RPUSD4: variants seen among roughly 807,000 people sequenced by gnomAD.
RPUSD4 encodes RNA pseudouridine synthase D4.
RPUSD4 carries 37 observed loss-of-function variants against 35.4 expected under a neutral mutation model. The ratio of observed to expected loss-of-function variants is 1.04; its 90% CI spans 0.80 to 1.37. The LOEUF is 1.37. Ranked by LOEUF, RPUSD4 falls within the 40% of genes most tolerant of loss-of-function variation. RPUSD4 has a pLI of 0.00. For missense variants in RPUSD4, 507 were observed against 484.9 expected (o/e 1.05, Z -0.43); for synonymous variants, 210 against 192.7 (o/e 1.09, Z -0.74).
chr11:126,207,479 C>T (rs1372720401), intron 3 of RPUSD4, among the ~76,000 whole-genome samples: 1 of 152,182 alleles, frequency 6.6e-6, no homozygotes, highest in African/African-American at 2.4e-5. Context: ...AAAGTATCTG[C>T]AAAATCTGTA....
rs779042397 is a variant in RPUSD4, at chr11:126,209,756, AG to A, written c.356-35del. The A allele has an allele frequency of 5.1e-6, 8 of 1,580,476 alleles. No individual in the cohort carries two copies. In the South Asian group the frequency reaches 8.9e-5, roughly 18 times the overall value. On this transcript the variant is annotated intron_variant, in intron 2 of 6. Coordinates refer to ENST00000298317, the MANE Select transcript of RPUSD4 (RefSeq NM_032795.3). ...GAAAAAGCCAAAGGTTTGAGCGGCC[AG>A]GAAAAGATCTCGCCAAAGAACTCTC...
rs775364310 is a variant in RPUSD4 at position 126,210,903 on chromosome 11, A to AC, written c.341dup (p.Leu115SerfsTer15). ...CGTGGTCCTTACCATGCACAGGGAG[A>AC]CCGTAGGGCTTATTGATGACCACAA... On this transcript the variant is annotated frameshift_variant, in exon 2 of 7. Coordinates refer to ENST00000298317, the MANE Select transcript of RPUSD4 (RefSeq NM_032795.3). LOFTEE classifies it high-confidence loss of function. 1.2e-6 allele frequency: 2 copies of AC among 1,613,678 alleles called. No homozygotes were observed. Among genetic ancestry groups the AC allele is most frequent in the Non-Finnish European group, 1.7e-6 (2 of 1,179,838 alleles).
intron 5 of RPUSD4, among the ~76,000 whole-genome samples, chr11:126,205,007 TA>T (rs1474405724): frequency 1.3e-5 from 2 of 152,244 alleles, no homozygotes; most frequent in Non-Finnish European, 2.9e-5. Flanking sequence ...GGTGCATCCA[TA>T]TTGTAGCATG....
Position 126,205,469 on chromosome 11 carries a change from A to C in RPUSD4, c.795T>G (p.Thr265=), listed in dbSNP as rs754893629. The C allele has an allele frequency of 1.2e-5, 19 of 1,614,116 alleles. No homozygotes were observed. Among genetic ancestry groups the C allele is most frequent in the Non-Finnish European group, 1.5e-5 (18 of 1,180,040 alleles). Residue 265 remains threonine, a splice_region_variant and synonymous_variant, in exon 5 of 7, where the codon ACT becomes ACG. Coordinates refer to ENST00000298317, the MANE Select transcript of RPUSD4 (RefSeq NM_032795.3). ...SSALVELQPI[T]GIKHQLRVHL... is the part of the protein sequence containing the mutation. ...ACTGCGGAAAAGTGACACTCTCACC[A>C]GTGATGGGCTGGAGCTCCACGAGGG...
At position 126,211,059 on chromosome 11, in the gene RPUSD4, G is replaced by A. The variant is rs779158719; in HGVS notation, c.190-4C>T. On this transcript the variant is annotated splice_polypyrimidine_tract_variant and splice_region_variant and intron_variant, in intron 1 of 6. Coordinates refer to ENST00000298317, the MANE Select transcript of RPUSD4 (RefSeq NM_032795.3). ...GCTGAACAGCGTTTGTGGACACCTAGGGAGAAAGAAGGAGCCGTGGGGAAT... is the reference window on the plus strand; with the variant it reads ...GCTGAACAGCGTTTGTGGACACCTAAGGAGAAAGAAGGAGCCGTGGGGAAT... 4 of 1,610,460 alleles carry A rather than the reference G, an allele frequency of 2.5e-6. No individual in the cohort carries two copies. In the African/African-American group the frequency reaches 5.5e-5, roughly 22 times the overall value.
chr11:126,211,317 C>G (rs1949863489), intron 1 of RPUSD4, 133 bp downstream of exon 1: 1 of 1,077,496 alleles, frequency 9.3e-7, no homozygotes, highest in East Asian at 2.4e-5. Flanking sequence ...CCTCCGCCTT[C>G]TCCCCATTCT....
rs766162370 is a variant in RPUSD4, at chr11:126,205,460, A to G, written c.796+8T>C. 7 of 1,613,890 alleles carry G rather than the reference A, an allele frequency of 4.3e-6. No individual in the cohort carries two copies. The African/African-American group carries it at 9.3e-5, about 22-fold the overall frequency. On this transcript the variant is annotated splice_region_variant and intron_variant, in intron 5 of 6. Coordinates refer to ENST00000298317, the MANE Select transcript of RPUSD4 (RefSeq NM_032795.3). The stretch of plus-strand genomic sequence containing the variant: ...TGTGATCCCACTGCGGAAAAGTGAC[A>G]CTCTCACCAGTGATGGGCTGGAGCT...
chr11:126,203,764 T>C (rs1949739777), intron 6 of RPUSD4, 107 bp from the exon 7 acceptor site: 3 of 1,386,340 alleles, frequency 2.2e-6, no homozygotes, highest in Non-Finnish European at 2.9e-6. Context: ...ACTAACCCCC[T>C]GGAAGACACA....
Position 126,204,309 on chromosome 11 carries a change from T to C in RPUSD4, c.816A>G (p.Arg272=). Residue 272 remains arginine, a synonymous_variant, in exon 6 of 7, where the codon CGA becomes CGG. Coordinates refer to ENST00000298317, the MANE Select transcript of RPUSD4 (RefSeq NM_032795.3). ...QPITGIKHQL[R]VHLSFGLDCP... ...AATCCAATCCAAAAGACAAGTGAACTCGAAGCTGATGTTTTATTCCTTAAA... is the reference window on the plus strand; with the variant it reads ...AATCCAATCCAAAAGACAAGTGAACCCGAAGCTGATGTTTTATTCCTTAAA... 1 of 1,612,700 alleles carries C rather than the reference T, an allele frequency of 6.2e-7. No homozygotes were observed. The highest frequency in any genetic ancestry group is 2.2e-5 in the East Asian group (1 of 44,840).
intron 6 of RPUSD4, 96 bp downstream of exon 6, chr11:126,204,135 C>G: frequency 9.3e-6 from 8 of 863,238 alleles, no homozygotes; most frequent in Middle Eastern, 2.2e-4. Context: ...TGAAGACAAT[C>G]AGTAGGCTTT....
In RPUSD4 at chr11:126,205,527, T is replaced by A. The variant is rs1413462863; in HGVS notation, c.737A>T (p.Gln246Leu). 5 of 1,614,170 alleles carry A rather than the reference T, an allele frequency of 3.1e-6. No homozygotes were observed. The Admixed American group carries it at 8.3e-5, about 27-fold the overall frequency. The change falls in exon 5 of 7, where the codon CAG (glutamine) becomes CTG (leucine). Residue 246 changes from glutamine (Q) to leucine (L), a missense_variant. Physicochemically the swap from Gln to Leu is moderately radical, Grantham distance 113 (BLOSUM62 -2). Coordinates refer to ENST00000298317, the MANE Select transcript of RPUSD4 (RefSeq NM_032795.3). ...RSRNAQVAVT[Q>L]YQVLSSTLSS... ...GAGAGTGCTGCTGAGCACCTGGTACTGAGTTACAGCAACTTGCGCATTCCG... is the reference window on the plus strand; with the variant it reads ...GAGAGTGCTGCTGAGCACCTGGTACAGAGTTACAGCAACTTGCGCATTCCG...
At position 126,211,580 on chromosome 11, in the gene RPUSD4, C is replaced by T. The variant is rs771731892; in HGVS notation, c.59G>A (p.Cys20Tyr). 1.2e-6 allele frequency: 2 copies of T among 1,614,216 alleles called. No individual in the cohort carries two copies. ...GPWIRGNGQG[C>Y]GSLFTLVSKP... ...TGAGACGAGAGTGAAGAGACTCCCGCAACCTTGGCCGTTTCCCCGGATCCA... is the reference window on the plus strand; with the variant it reads ...TGAGACGAGAGTGAAGAGACTCCCGTAACCTTGGCCGTTTCCCCGGATCCA... Residue 20 changes from cysteine (C) to tyrosine (Y), a missense_variant, in exon 1 of 7, where the codon TGC becomes TAC. Coordinates refer to ENST00000298317, the MANE Select transcript of RPUSD4 (RefSeq NM_032795.3).
rs372492466 is a variant in RPUSD4 at position 126,209,712 on chromosome 11, C to T, written c.366G>A (p.Gly122=). Residue 122 remains glycine, a synonymous_variant, in exon 3 of 7, where the codon GGG becomes GGA. Transcript: ENST00000298317. Reference sequence around the variant, plus strand: ...GTACATCAGTGATGCAGAGCTGGACCCCAGGGCCACCTAAGAAGGAAAAAG... The same window carrying T: ...GTACATCAGTGATGCAGAGCTGGACTCCAGGGCCACCTAAGAAGGAAAAAG... ...PYGLPVHGGP[G]VQLCITDVLP... 3 of 1,612,876 alleles carry T rather than the reference C, an allele frequency of 1.9e-6. No homozygotes were observed. The highest frequency in any genetic ancestry group is 1.7e-5 in the Admixed American group (1 of 59,922).
rs1183634285 is a variant in RPUSD4 at position 126,202,322 on chromosome 11, G to A, written c.*1096C>T. ...ACTAGATGGACCAGCTGAGCAGGGAGGCCAAGGTCATTTCCATCTATCCCT... is the reference window on the plus strand; with the variant it reads ...ACTAGATGGACCAGCTGAGCAGGGAAGCCAAGGTCATTTCCATCTATCCCT... On this transcript the variant is annotated 3_prime_UTR_variant, in exon 7 of 7. Coordinates refer to ENST00000298317, the MANE Select transcript of RPUSD4 (RefSeq NM_032795.3). 6.6e-6 allele frequency: 1 copy of A among 152,252 alleles called. No homozygotes were observed. Among genetic ancestry groups the A allele is most frequent in the Non-Finnish European group, 1.5e-5 (1 of 68,052 alleles). 9.4% of individuals were successfully genotyped at this position (152,252 alleles called of 1,614,324 possible).
At position 126,205,612 on chromosome 11, in the gene RPUSD4, T is replaced by C. The variant is rs1197407222; in HGVS notation, c.652A>G (p.Met218Val). 2.5e-6 allele frequency: 4 copies of C among 1,614,072 alleles called. No individual in the cohort carries two copies. The highest frequency in any genetic ancestry group is 2.7e-5 in the African/African-American group (2 of 74,950). Residue 218 changes from methionine to valine, a missense_variant and splice_region_variant, in exon 5 of 7, where the codon ATG becomes GTG. By Grantham distance (21) the Met-to-Val change is conservative (BLOSUM62 1). Coordinates refer to ENST00000298317, the MANE Select transcript of RPUSD4 (RefSeq NM_032795.3). ...ATGCGGTAGCTCGGGGACAATGTCA[T>C]CTGAAGCCAAAGAAATCAAGATATG... ...EAQGQQQHHK[M>V]TLSPSYRMDD...
In RPUSD4 at chr11:126,203,513, G is replaced by T; in HGVS notation, c.1039C>A (p.Arg347Ser). 1 of 1,614,186 alleles carries T rather than the reference G, an allele frequency of 6.2e-7. No homozygotes were observed. The highest frequency in any genetic ancestry group is 8.5e-7 in the Non-Finnish European group (1 of 1,180,036). Residue 347 changes from arginine (R) to serine (S), a missense_variant, in exon 7 of 7, where the codon CGC becomes AGC. Transcript: ENST00000298317. ...EELNLVCKLP[R>S]FFVHSLHRLR... ...CGGTGCAGGGAATGCACAAAGAAGC[G>T]AGGAAGTTTGCAGACCAAGTTGAGT...
Position 126,209,221 on chromosome 11 carries a change from C to T in RPUSD4, c.557+300G>A, listed in dbSNP as rs73631735. The T allele has an allele frequency of 4.2e-3, 1,233 of 290,638 alleles. 13 individuals carry two copies. The highest frequency in any genetic ancestry group is 0.023 in the African/African-American group (1,028 of 45,312). 18.0% of individuals were successfully genotyped at this position (290,638 alleles called of 1,614,324 possible). On this transcript the variant is annotated intron_variant, in intron 3 of 6. Coordinates refer to ENST00000298317, the MANE Select transcript of RPUSD4 (RefSeq NM_032795.3). ...GCCCAGGCTGTTCTCCGACTCTTGG[C>T]CTAAAGTGATCCTCCCACCTCTGCC...
intron 3 of RPUSD4, among the ~76,000 whole-genome samples, chr11:126,206,807 A>T (rs974264707): frequency 2.0e-5 from 3 of 152,042 alleles, no homozygotes; most frequent in African/African-American, 7.2e-5. Flanking sequence ...TTCACAACGC[A>T]GACACTCCAC....
At chr11:126,206,653 C>G (rs1591488826) in intron 3 of RPUSD4, 1 of 152,186 alleles carries the variant, frequency 6.6e-6, no homozygotes, top group African/African-American at 2.4e-5. Flanking sequence ...GACCTCATGA[C>G]CTCACAGACA....
Sources: gnomAD v4.1 joint callset for allele counts (sites outside exome capture counted in the v4.1 genomes callset) on GRCh38, gnomAD v4.1.1 for gene constraint, MANE v1.5 for transcripts, NCBI Gene and HGNC (gene_info 2026-07-23, HGNC 2026-07-21) for gene names.